The following EPB41L5 variants were observed in gnomAD, a reference collection of about 807,000 sequenced individuals.
EPB41L5 encodes the protein band 4.1-like protein 5.
In EPB41L5, 55 loss-of-function variants were observed where a neutral mutation model predicts 106.6. The observed-to-expected ratio is 0.52, with a 90% CI of 0.42 to 0.65. The LOEUF (loss-of-function observed/expected upper bound fraction) is 0.65, where lower values mean the gene tolerates loss of function less well. Among genes scored for constraint, EPB41L5 ranks in the 30% least tolerant of loss-of-function variants. The pLI, the probability that EPB41L5 is intolerant of heterozygous loss-of-function variation, is 0.00. For missense variants in EPB41L5, 871 were observed against 882.1 expected (o/e 0.99, Z 0.16); for synonymous variants, 297 against 306.7 (o/e 0.97, Z 0.33).
chr2:120,073,141 T>C (rs1681991716), intron 3 of EPB41L5, 37 bp from the exon 4 acceptor site: 8 of 1,586,254 alleles, frequency 5.0e-6, no homozygotes, highest in Admixed American at 1.8e-5. Flanking sequence ...TAAAGTTCTG[T>C]CATCTGCTTA....
intron 20 of EPB41L5, among the ~76,000 whole-genome samples, chr2:120,156,018 G>A (rs1686886030): frequency 2.6e-5 from 4 of 152,256 alleles, no homozygotes; most frequent in South Asian, 4.1e-4. Flanking sequence ...GAGAAGTGGT[G>A]GGGCAGCAAG....
At chr2:120,084,118 C>G (rs944400246) in intron 10 of EPB41L5, among the ~76,000 whole-genome samples, 1 of 152,128 alleles carries the variant, frequency 6.6e-6, no homozygotes, top group African/African-American at 2.4e-5. Flanking sequence ...TTAATATTGT[C>G]ATATGTGAAT....
At chr2:120,157,378 A>G (rs1686946316) in intron 20 of EPB41L5, among the ~76,000 whole-genome samples, 1 of 152,094 alleles carries the variant, frequency 6.6e-6, no homozygotes. Context: ...AACTAAAAGG[A>G]CTGGAGAACC....
At chr2:120,028,339 G>T (rs900377922) in intron 2 of EPB41L5, among the ~76,000 whole-genome samples, 1 of 151,934 alleles carries the variant, frequency 6.6e-6, no homozygotes, top group African/African-American at 2.4e-5. Context: ...AGTTTGACTA[G>T]TCTGGGCAAC....
intron 16 of EPB41L5, among the ~76,000 whole-genome samples, chr2:120,119,661 A>T (rs1400960520): frequency 6.6e-6 from 1 of 151,740 alleles, no homozygotes; most frequent in Non-Finnish European, 1.5e-5. Context: ...CCAAAGATTT[A>T]TTTAGTTAAT....
At chr2:120,125,640 G>A (rs183991002) in intron 16 of EPB41L5, among the ~76,000 whole-genome samples, 1 of 152,282 alleles carries the variant, frequency 6.6e-6, no homozygotes, top group South Asian at 2.1e-4. Flanking sequence ...TCCTGGGGAA[G>A]TAAGGAGAAG....
At chr2:120,015,800 G>C (rs751748123) in intron 1 of EPB41L5, among the ~76,000 whole-genome samples, 4 of 151,204 alleles carry the variant, frequency 2.6e-5, no homozygotes, top group Non-Finnish European at 5.9e-5. Context: ...TTGAAAAAAC[G>C]TTAGCCCGGT....
intron 2 of EPB41L5, among the ~76,000 whole-genome samples, chr2:120,023,622 C>A (rs1310840620): frequency 6.6e-6 from 1 of 152,240 alleles, no homozygotes; most frequent in East Asian, 1.9e-4. Context: ...AGTGTGATGC[C>A]TCAAGCTTTG....
intron 14 of EPB41L5, among the ~76,000 whole-genome samples, chr2:120,094,351 C>G (rs1262473553): frequency 6.6e-6 from 1 of 151,756 alleles, no homozygotes; most frequent in East Asian, 1.9e-4. Flanking sequence ...AGTTTTATCT[C>G]TTTTATCTGT....
chr2:120,115,912 C>T lies in EPB41L5; in HGVS notation c.1338-11776C>T, dbSNP rs111395337. Among the ~76,000 whole-genome samples, 106 of 152,154 alleles carry T rather than the reference C, an allele frequency of 7.0e-4. 1 individual carries two copies. The East Asian group carries it at 9.5e-3, about 14-fold the overall frequency. ...GCAACCTCTGCCTCCGAGGTTCAGG[C>T]GATTCTCATACCTCATCCTCCTAAG... On this transcript the variant is annotated intron_variant, in intron 16 of 24. Transcript: ENST00000263713.
rs183886660 is a variant in EPB41L5 at position 120,113,251 on chromosome 2, C to A, written c.1337+12437C>A. Reference sequence around the variant, plus strand: ...AATCATGTATATATTAGTAAGTGCACGCACACATGCAAGAACCTAACTAGA... The same window carrying A: ...AATCATGTATATATTAGTAAGTGCAAGCACACATGCAAGAACCTAACTAGA... On this transcript the variant is annotated intron_variant, in intron 16 of 24. Transcript: ENST00000263713. Among the ~76,000 whole-genome samples, 12 of 152,270 alleles carry A rather than the reference C, an allele frequency of 7.9e-5. No homozygotes were observed. In the East Asian group the frequency reaches 2.3e-3, roughly 29 times the overall value.
chr2:120,091,197 C>A (rs1021617333), intron 12 of EPB41L5, among the ~76,000 whole-genome samples: 3 of 152,106 alleles, frequency 2.0e-5, no homozygotes, highest in Non-Finnish European at 4.4e-5. Flanking sequence ...AAGTGAATAT[C>A]ACAATTAGAA....
chr2:120,070,513 G>A (rs1172255223), intron 3 of EPB41L5, among the ~76,000 whole-genome samples: 1 of 152,108 alleles, frequency 6.6e-6, no homozygotes, highest in Non-Finnish European at 1.5e-5. Flanking sequence ...CCAAAACCTG[G>A]CAGAGACACA....
intron 11 of EPB41L5, among the ~76,000 whole-genome samples, chr2:120,088,468 A>G (rs1467912259): frequency 6.6e-6 from 1 of 152,162 alleles, no homozygotes; most frequent in African/African-American, 2.4e-5. Context: ...AAGAGTAGAA[A>G]AGATAACTAA....
At chr2:120,038,592 A>G (rs1414606403) in intron 2 of EPB41L5, among the ~76,000 whole-genome samples, 2 of 152,162 alleles carry the variant, frequency 1.3e-5, no homozygotes, top group East Asian at 3.8e-4. Context: ...CCCTATCTCT[A>G]CTAAAAATAC....
rs375754153 is a variant in EPB41L5 at position 120,061,031 on chromosome 2, G to GTTTTTTTTTTTTTTTTT, written c.286-12136_286-12120dup. On this transcript the variant is annotated intron_variant, in intron 3 of 24. Transcript: ENST00000263713. ...TTAGAATTTTAACTGGTTCAGGGAAGTTTTTTTTTTTTTTTTTTTTTTTTT... is the reference window on the plus strand; with the variant it reads ...TTAGAATTTTAACTGGTTCAGGGAAGTTTTTTTTTTTTTTTTTTTTTTTTTTTTTTTTTTTTTTTTTT... Among the ~76,000 whole-genome samples the GTTTTTTTTTTTTTTTTT allele has an allele frequency of 2.6e-4, 18 of 69,128 alleles. 6 individuals are homozygous for GTTTTTTTTTTTTTTTTT. Among genetic ancestry groups the GTTTTTTTTTTTTTTTTT allele is most frequent in the Admixed American group, 4.4e-4 (2 of 4,504 alleles). 45.4% of individuals were successfully genotyped at this position (69,128 alleles called of 152,430 possible). A position where few individuals can be genotyped will look rare whatever the true frequency, so the allele number is the denominator to read the frequency against.
chr2:120,090,477 G>A lies in EPB41L5; in HGVS notation c.1004G>A (p.Arg335Gln), dbSNP rs369050670. The A allele has an allele frequency of 1.2e-5, 20 of 1,613,404 alleles. No individual in the cohort carries two copies. Among genetic ancestry groups the A allele is most frequent in the Non-Finnish European group, 1.7e-5 (20 of 1,179,738 alleles). ...LRGPVQKSSH[R>Q]SGFIRLGSRF... ...GGCCCCGTCCAAAAGAGTTCTCATC[G>A]ATCAGGATTTATTCGACTAGGATCA... Residue 335 changes from arginine (R) to glutamine (Q), a missense_variant, in exon 12 of 25, where the codon CGA (arginine) becomes CAA (glutamine). Physicochemically the swap from Arg to Gln is conservative, Grantham distance 43. Transcript: ENST00000263713.
At position 120,057,497 on chromosome 2, in the gene EPB41L5, C is replaced by T. The variant is rs1177090359; in HGVS notation, c.285+15387C>T. Among the ~76,000 whole-genome samples the T allele has an allele frequency of 2.0e-5, 3 of 152,190 alleles. No individual in the cohort carries two copies. In the South Asian group the frequency reaches 6.2e-4, roughly 32 times the overall value. On this transcript the variant is annotated intron_variant, in intron 3 of 24. Coordinates refer to ENST00000263713, the MANE Select transcript of EPB41L5 (RefSeq NM_020909.4). ...TAATTCAGATATCCCCCAAGCCCAA[C>T]TATGAATTCTCCAATTTAGTAACCC...
chr2:120,124,070 T>A (rs539119676), intron 16 of EPB41L5, among the ~76,000 whole-genome samples: 10 of 152,326 alleles, frequency 6.6e-5, no homozygotes, highest in Admixed American at 6.5e-4. Flanking sequence ...GGTTCTTTGG[T>A]AATCCAGTGA....
Sources: gnomAD v4.1 joint callset for allele counts (sites outside exome capture counted in the v4.1 genomes callset) on GRCh38, gnomAD v4.1.1 for gene constraint, MANE v1.5 for transcripts, NCBI Gene and HGNC (gene_info 2026-07-23, HGNC 2026-07-21) for gene names.